LRRC1: variants seen among roughly 807,000 people sequenced by gnomAD.
LRRC1 encodes leucine rich repeat containing 1, also known as leucine-rich repeat-containing protein 1.
LRRC1 carries 28 observed loss-of-function variants against 69.9 expected under a neutral mutation model. The observed-to-expected ratio is 0.40, with a 90% CI of 0.30 to 0.55. The LOEUF is 0.55. Among genes scored for constraint, LRRC1 ranks in the 20% least tolerant of loss-of-function variants. The pLI, the probability that LRRC1 is intolerant of heterozygous loss-of-function variation, is 0.47. For missense variants in LRRC1, 498 were observed against 609.0 expected (o/e 0.82, Z 1.92); for synonymous variants, 236 against 240.2 (o/e 0.98, Z 0.16).
intron 1 of LRRC1, among the ~76,000 whole-genome samples, chr6:53,802,692 T>C (rs960161058): frequency 6.6e-6 from 1 of 152,178 alleles, no homozygotes; most frequent in African/African-American, 2.4e-5. Context: ...CTGGTAACCC[T>C]GTGGGTTCTA....
At position 53,895,078 on chromosome 6, in the gene LRRC1, C is replaced by T. The variant is rs374180403; in HGVS notation, c.447-1420C>T. 2.9e-3 allele frequency among the ~76,000 whole-genome samples: 441 copies of T among 152,132 alleles called. 1 individual carries two copies. Among genetic ancestry groups the T allele is most frequent in the African/African-American group, 9.3e-3 (388 of 41,538 alleles). ...GACTACAGGCGCCCGCCACCACGCC[C>T]GGCTAATTTTTTGTATTTTTAGTAG... is the stretch of plus-strand genomic sequence containing the variant. On this transcript the variant is annotated intron_variant, in intron 4 of 13. Transcript: ENST00000370888.
intron 1 of LRRC1, among the ~76,000 whole-genome samples, chr6:53,798,032 A>G (rs1764353023): frequency 6.6e-6 from 1 of 152,188 alleles, no homozygotes; most frequent in Admixed American, 6.5e-5. Flanking sequence ...CATTATTTAC[A>G]AGTTATTGGG....
Position 53,795,353 on chromosome 6 carries a change from C to T in LRRC1, c.97C>T (p.Arg33Cys). 6.2e-6 allele frequency: 10 copies of T among 1,613,800 alleles called. No homozygotes were observed. The South Asian group carries it at 7.7e-5, about 12-fold the overall frequency. ...GGTCTACGTCCCCGAGGAGATCTACCGCTATGCCCGGAGCCTGGAGGAGCT... is the reference window on the plus strand; with the variant it reads ...GGTCTACGTCCCCGAGGAGATCTACTGCTATGCCCGGAGCCTGGAGGAGCT... ...SLVYVPEEIY[R>C]YARSLEELLL... Residue 33 changes from arginine to cysteine, a missense_variant, in exon 1 of 14, where the codon CGC (arginine) becomes TGC (cysteine). Coordinates refer to ENST00000370888, the MANE Select transcript of LRRC1 (RefSeq NM_018214.5).
chr6:53,878,708 A>G lies in LRRC1; in HGVS notation c.278-285A>G, dbSNP rs550853599. The stretch of plus-strand genomic sequence containing the variant: ...CCTCACAGGTACTGGTTTGTAGCTC[A>G]GGGATTGGGGACCCCTGCCATAGAA... On this transcript the variant is annotated intron_variant, in intron 2 of 13. Coordinates refer to ENST00000370888, the MANE Select transcript of LRRC1 (RefSeq NM_018214.5). Among the ~76,000 whole-genome samples the G allele has an allele frequency of 4.0e-3, 613 of 152,342 alleles. 2 individuals are homozygous for G. Among genetic ancestry groups the G allele is most frequent in the Non-Finnish European group, 5.8e-3 (394 of 68,026 alleles).
intron 13 of LRRC1, among the ~76,000 whole-genome samples, chr6:53,922,007 C>T (rs554188805): frequency 6.6e-6 from 1 of 152,248 alleles, no homozygotes; most frequent in South Asian, 2.1e-4. Context: ...GTTTTATGAG[C>T]TAAAGATCAT....
At chr6:53,804,733 A>G (rs1466954200) in intron 1 of LRRC1, among the ~76,000 whole-genome samples, 3 of 152,198 alleles carry the variant, frequency 2.0e-5, no homozygotes, top group Non-Finnish European at 2.9e-5. Context: ...ATTACTTTGT[A>G]TACCTGTGCA....
chr6:53,816,070 CTTTTA>C (rs910365158), intron 1 of LRRC1, among the ~76,000 whole-genome samples: 5 of 152,258 alleles, frequency 3.3e-5, no homozygotes, highest in African/African-American at 1.2e-4. Flanking sequence ...GAAAGTTTTA[CTTTTA>C]TAACGTGAGC....
At chr6:53,888,120 G>A (rs1441664848) in intron 4 of LRRC1, among the ~76,000 whole-genome samples, 1 of 152,090 alleles carries the variant, frequency 6.6e-6, no homozygotes, top group African/African-American at 2.4e-5. Context: ...TTTTAATACT[G>A]AAAATATTTT....
intron 1 of LRRC1, among the ~76,000 whole-genome samples, chr6:53,821,467 G>C (rs984037879): frequency 6.6e-6 from 1 of 151,882 alleles, no homozygotes; most frequent in Non-Finnish European, 1.5e-5. Flanking sequence ...AAGTATCATG[G>C]GCCATCAGCA....
intron 13 of LRRC1, among the ~76,000 whole-genome samples, chr6:53,921,603 C>T (rs1768744924): frequency 6.6e-6 from 1 of 152,180 alleles, no homozygotes; most frequent in African/African-American, 2.4e-5. Flanking sequence ...CTCAGACATC[C>T]ATCATCTCTA....
intron 1 of LRRC1, among the ~76,000 whole-genome samples, chr6:53,802,638 A>G (rs1305160532): frequency 6.6e-6 from 1 of 152,130 alleles, no homozygotes; most frequent in African/African-American, 2.4e-5. Flanking sequence ...TTTTGTTTAG[A>G]TGAATGTGAT....
Position 53,902,742 on chromosome 6 carries a change from C to T in LRRC1, c.901C>T (p.Leu301Phe). 1 of 1,600,132 alleles carries T rather than the reference C, an allele frequency of 6.2e-7. No homozygotes were observed. Among genetic ancestry groups the T allele is most frequent in the Non-Finnish European group, 8.5e-7 (1 of 1,170,300 alleles). Reference protein sequence around the residue: ...LTELVLTENQLLTLPKSIGKL... With the variant: ...LTELVLTENQFLTLPKSIGKL... ...TGAGTTAGTTCTTACAGAAAATCAG[C>T]TCCTGGTAAGTGTGGTTTGCACATA... The change falls in exon 9 of 14, where the codon CTC (leucine) becomes TTC (phenylalanine). Residue 301 changes from leucine to phenylalanine, a missense_variant. By Grantham distance (22) the Leu-to-Phe change is conservative. This residue lies in a region of LRRC1 where 266 missense variants were observed against 383.9 expected (regional missense o/e 0.69). Coordinates refer to ENST00000370888, the MANE Select transcript of LRRC1 (RefSeq NM_018214.5).
At chr6:53,832,147 G>C (rs1305452398) in intron 1 of LRRC1, among the ~76,000 whole-genome samples, 2 of 151,988 alleles carry the variant, frequency 1.3e-5, no homozygotes, top group Admixed American at 6.6e-5. Flanking sequence ...CCATAAAATC[G>C]CCTAATTGAC....
At chr6:53,870,130 G>C (rs1766834605) in intron 2 of LRRC1, among the ~76,000 whole-genome samples, 1 of 152,158 alleles carries the variant, frequency 6.6e-6, no homozygotes, top group Non-Finnish European at 1.5e-5. Flanking sequence ...CTCTAGGTCT[G>C]CTATGTCTGG....
intron 1 of LRRC1, among the ~76,000 whole-genome samples, chr6:53,797,621 C>A (rs886222458): frequency 6.6e-6 from 1 of 152,140 alleles, no homozygotes; most frequent in Non-Finnish European, 1.5e-5. Flanking sequence ...TTTTGGTGGC[C>A]ATACCAGCTG....
chr6:53,893,603 T>A (rs998685285), intron 4 of LRRC1, among the ~76,000 whole-genome samples: 4 of 152,152 alleles, frequency 2.6e-5, no homozygotes, highest in African/African-American at 9.7e-5. Flanking sequence ...CATTTTGGAT[T>A]TCAGATTAAG....
At chr6:53,830,169 G>T (rs1297634081) in intron 1 of LRRC1, among the ~76,000 whole-genome samples, 2 of 152,228 alleles carry the variant, frequency 1.3e-5, no homozygotes, top group African/African-American at 4.8e-5. Flanking sequence ...TTAGACGAAG[G>T]CCAGGAGTGT....
intron 1 of LRRC1, among the ~76,000 whole-genome samples, chr6:53,817,993 A>G (rs1310052476): frequency 6.6e-6 from 1 of 152,228 alleles, no homozygotes; most frequent in East Asian, 1.9e-4. Flanking sequence ...TATGTTTTGC[A>G]TGTGTAATGT....
At chr6:53,878,446 C>G (rs937617245) in intron 2 of LRRC1, among the ~76,000 whole-genome samples, 1 of 152,220 alleles carries the variant, frequency 6.6e-6, no homozygotes, top group African/African-American at 2.4e-5. Context: ...ACAGTCCCAT[C>G]TGGGGGTGAT....
Sources: gnomAD v4.1 joint callset for allele counts (sites outside exome capture counted in the v4.1 genomes callset) on GRCh38, gnomAD v4.1.1 for gene constraint, gnomAD v4.1.1 regional missense constraint, MANE v1.5 for transcripts, NCBI Gene and HGNC (gene_info 2026-07-23, HGNC 2026-07-21) for gene names.